Variants in CENPL observed in about 807,000 individuals in gnomAD.
The protein encoded by CENPL is interphase centromere complex protein 33.
CENPL carries 20 observed loss-of-function variants against 35.2 expected under a neutral mutation model. The observed-to-expected ratio is 0.57, with a 90% CI of 0.40 to 0.83. The LOEUF is 0.83. Among genes scored for constraint, CENPL ranks in the 40% least tolerant of loss-of-function variants. CENPL has a pLI of 0.00. For synonymous variants in CENPL, 140 were observed against 140.6 expected (o/e 1.00, Z 0.03); for missense variants, 363 against 395.8 (o/e 0.92, Z 0.70).
intron 5 of CENPL, among the ~76,000 whole-genome samples, chr1:173,800,815 G>A (rs1264018725): frequency 6.6e-6 from 1 of 152,026 alleles, no homozygotes; most frequent in Non-Finnish European, 1.5e-5. Flanking sequence ...AAAACAGCCA[G>A]GTGTAATGGT....
Position 173,807,318 on chromosome 1 carries a change from A to G in CENPL, c.369T>C (p.Thr123=), listed in dbSNP as rs777579466. 1.2e-6 allele frequency: 2 copies of G among 1,613,528 alleles called. No homozygotes were observed. The highest frequency in any genetic ancestry group is 1.7e-6 in the Non-Finnish European group (2 of 1,179,644). Residue 123 remains threonine, a synonymous_variant, in exon 4 of 6, where the codon ACT becomes ACC. Coordinates refer to ENST00000682279, the MANE Select transcript of CENPL (RefSeq NM_001387287.1). ...TTTGTGTTCCTTTCATTCCTAGGAG[A>G]GTAGAAAAAATCACTTTGATGTTGA... ...EDFNIKVIFS[T]LLGMKGTQRD...
intron 3 of CENPL, among the ~76,000 whole-genome samples, chr1:173,809,558 C>T (rs572880827): frequency 2.0e-5 from 3 of 151,608 alleles, no homozygotes; most frequent in African/African-American, 7.3e-5. Flanking sequence ...TGCCACTGCA[C>T]TCCAGCCTGG....
intron 4 of CENPL, among the ~76,000 whole-genome samples, chr1:173,807,015 T>C (rs1650295596): frequency 6.6e-6 from 1 of 152,146 alleles, no homozygotes. Flanking sequence ...ATGGGCAATA[T>C]GATCCCAATT....
intron 2 of CENPL, among the ~76,000 whole-genome samples, chr1:173,818,000 G>C (rs1294214974): frequency 6.6e-6 from 1 of 152,040 alleles, no homozygotes; most frequent in Non-Finnish European, 1.5e-5. Flanking sequence ...ACCGGGGCCT[G>C]TCGAGGGGTC....
intron 5 of CENPL, among the ~76,000 whole-genome samples, chr1:173,801,236 T>C (rs923081865): frequency 5.9e-5 from 9 of 151,648 alleles, no homozygotes; most frequent in African/African-American, 2.2e-4. Flanking sequence ...CACCTAACTG[T>C]CCAGGCACGG....
chr1:173,817,073 G>A (rs537855100), intron 2 of CENPL, among the ~76,000 whole-genome samples: 10 of 152,276 alleles, frequency 6.6e-5, no homozygotes, highest in Admixed American at 5.2e-4. Context: ...AGGAGGCAGA[G>A]GTTGCAGTGA....
chr1:173,815,709 G>A (rs1474358158), intron 2 of CENPL, among the ~76,000 whole-genome samples: 1 of 152,066 alleles, frequency 6.6e-6, no homozygotes, highest in African/African-American at 2.4e-5. Flanking sequence ...AGCTATTTAT[G>A]ACAAACCCAC....
intron 3 of CENPL, 145 bp from the exon 4 acceptor site, chr1:173,807,663 CA>C: frequency 1.6e-6 from 1 of 607,328 alleles, no homozygotes; most frequent in Non-Finnish European, 2.8e-6. Context: ...GGACTTTTTG[CA>C]GATCCTTGAA....
At chr1:173,810,716 C>T (rs1428182689) in intron 3 of CENPL, among the ~76,000 whole-genome samples, 4 of 151,920 alleles carry the variant, frequency 2.6e-5, no homozygotes, top group Non-Finnish European at 4.4e-5. Context: ...GTCAGGAGAT[C>T]GAGACCATCC....
chr1:173,802,268 C>T (rs564457103), intron 5 of CENPL, among the ~76,000 whole-genome samples: 55 of 151,914 alleles, frequency 3.6e-4, no homozygotes, highest in Non-Finnish European at 6.6e-4. Flanking sequence ...TGCAGTGGCG[C>T]GATCTCGGCT....
At position 173,820,625 on chromosome 1, in the gene CENPL, GA is replaced by G. The variant is rs1213035094; in HGVS notation, c.-8+3300del. On this transcript the variant is annotated intron_variant, in intron 2 of 5. Transcript: ENST00000682279. ...CACACAATTTATTTATTTATTTTTAGAAATGTTCATAGTAGCTTTATTCATA... is the reference window on the plus strand; with the variant it reads ...CACACAATTTATTTATTTATTTTTAGAATGTTCATAGTAGCTTTATTCATA... Among the ~76,000 whole-genome samples the G allele has an allele frequency of 3.3e-5, 5 of 152,016 alleles. No individual in the cohort carries two copies. In the East Asian group the frequency reaches 9.6e-4, roughly 29 times the overall value.
chr1:173,811,427 C>T, intron 2 of CENPL, 121 bp from the exon 3 acceptor site: 1 of 679,646 alleles, frequency 1.5e-6, no homozygotes, highest in African/African-American at 1.8e-5. Context: ...CCTCCCTATC[C>T]CCAGTTTTGA....
chr1:173,802,541 G>C (rs1010724287), intron 5 of CENPL, among the ~76,000 whole-genome samples: 4 of 152,144 alleles, frequency 2.6e-5, no homozygotes, highest in African/African-American at 9.7e-5. Context: ...TCACTCTGTA[G>C]AGAATAAAAC....
At chr1:173,818,377 T>C (rs1267793881) in intron 2 of CENPL, among the ~76,000 whole-genome samples, 18 of 152,172 alleles carry the variant, frequency 1.2e-4, no homozygotes, top group Admixed American at 1.2e-3. Flanking sequence ...TCTCTTTATT[T>C]TCCTAATTCT....
intron 3 of CENPL, among the ~76,000 whole-genome samples, chr1:173,810,088 T>C (rs1303467426): frequency 6.6e-6 from 1 of 152,136 alleles, no homozygotes; most frequent in Non-Finnish European, 1.5e-5. Context: ...CTATTCACAA[T>C]AGCAAAGACA....
intron 2 of CENPL, among the ~76,000 whole-genome samples, chr1:173,813,740 A>T (rs1295424349): frequency 6.6e-6 from 1 of 152,230 alleles, no homozygotes. Context: ...TGTAAAGATC[A>T]TCAATGCTAG....
intron 4 of CENPL, among the ~76,000 whole-genome samples, chr1:173,804,400 C>A (rs555733093): frequency 6.6e-6 from 1 of 152,200 alleles, no homozygotes; most frequent in African/African-American, 2.4e-5. Flanking sequence ...CATACATTCA[C>A]ATTCTCTCAC....
At position 173,811,312 on chromosome 1, in the gene CENPL, TA is replaced by T; in HGVS notation, c.-7-7del. On this transcript the variant is annotated splice_region_variant and splice_polypyrimidine_tract_variant and intron_variant, in intron 2 of 5. Coordinates refer to ENST00000682279, the MANE Select transcript of CENPL (RefSeq NM_001387287.1). ...TGTAAGAATCCATGGTCTGTCTGCA[TA>T]AGAAGAAACAAAACCAGAATTCTAA... 6.4e-7 allele frequency: 1 copy of T among 1,570,280 alleles called. No individual in the cohort carries two copies.
intron 3 of CENPL, among the ~76,000 whole-genome samples, chr1:173,809,849 G>C (rs960167151): frequency 6.6e-6 from 1 of 151,738 alleles, no homozygotes; most frequent in Non-Finnish European, 1.5e-5. Context: ...AAAATAAAAA[G>C]TCAAAAAAAA....
Sources: allele counts gnomAD v4.1 joint callset (sites outside exome capture counted in the v4.1 genomes callset), GRCh38; gene constraint gnomAD v4.1.1; transcripts MANE v1.5; gene names NCBI Gene and HGNC (gene_info 2026-07-23, HGNC 2026-07-21).